The following ZDHHC11 variants were observed in gnomAD, a reference collection of about 807,000 sequenced individuals.
ZDHHC11 encodes the protein palmitoyltransferase ZDHHC11.
In ZDHHC11, 44 loss-of-function variants were observed where a neutral mutation model predicts 51.3. The ratio of observed to expected loss-of-function variants is 0.86; its 90% CI spans 0.67 to 1.10. The LOEUF (loss-of-function observed/expected upper bound fraction) is 1.10, where lower values mean the gene tolerates loss of function less well. Ranked by LOEUF, ZDHHC11 falls within the 50% of genes least tolerant of loss-of-function variation. The pLI is 0.00. For missense variants in ZDHHC11, 400 were observed against 537.7 expected, an observed-to-expected ratio of 0.74 and a Z score of 2.53; for synonymous variants, 163 against 222.0, an observed-to-expected ratio of 0.73 and a Z score of 2.36.
upstream of ZDHHC11, among the ~76,000 whole-genome samples, chr5:859,221 A>G (rs1019270165): frequency 6.6e-6 from 1 of 152,032 alleles, no homozygotes; most frequent in African/African-American, 2.4e-5. Flanking sequence ...GATGGGCCCC[A>G]ATGCCTGCTT....
At chr5:835,619 C>A (rs138205250) in intron 6 of ZDHHC11, among the ~76,000 whole-genome samples, 8,781 of 150,010 alleles carry the variant, frequency 0.059, 424 homozygotes, top group African/African-American at 0.2. Flanking sequence ...ACCACCTTGT[C>A]ATTTCTGCTA....
chr5:828,427 C>G (rs1222361326), intron 7 of ZDHHC11, among the ~76,000 whole-genome samples: 1 of 150,882 alleles, frequency 6.6e-6, no homozygotes, highest in Non-Finnish European at 1.5e-5. Flanking sequence ...CACCTCCCTC[C>G]TGGACGGGGC....
intron 9 of ZDHHC11, among the ~76,000 whole-genome samples, chr5:820,905 C>A (rs1374719540): frequency 6.6e-6 from 1 of 151,172 alleles, no homozygotes; most frequent in Non-Finnish European, 1.5e-5. Context: ...GGACACAGAC[C>A]CATGAGACAG....
At chr5:820,459 T>C (rs1741420499) in intron 9 of ZDHHC11, among the ~76,000 whole-genome samples, 1 of 151,548 alleles carries the variant, frequency 6.6e-6, no homozygotes, top group Non-Finnish European at 1.5e-5. Flanking sequence ...CCCTTTGCCC[T>C]CTGGCTGTGG....
At chr5:815,530 G>A (rs969347220) in intron 10 of ZDHHC11, among the ~76,000 whole-genome samples, 3 of 150,748 alleles carry the variant, frequency 2.0e-5, no homozygotes, top group African/African-American at 4.9e-5. Context: ...CCAGTTCTCC[G>A]ATGTCTTCAC....
chr5:856,085 A>G (rs1748197977), intron 1 of ZDHHC11, among the ~76,000 whole-genome samples: 1 of 152,108 alleles, frequency 6.6e-6, no homozygotes, highest in Non-Finnish European at 1.5e-5. Context: ...CCTTCCCCTC[A>G]GGCCCACGCT....
At chr5:816,573 T>G (rs1022391412) in intron 10 of ZDHHC11, 1 of 609,794 alleles carries the variant, frequency 1.6e-6, no homozygotes, top group Non-Finnish European at 3.2e-6. Flanking sequence ...GTGGAGAATT[T>G]TTGTCTAATT....
At position 833,283 on chromosome 5, in the gene ZDHHC11, C is replaced by T. The variant is rs1192938363; in HGVS notation, c.935+490G>A. On this transcript the variant is annotated intron_variant, in intron 7 of 12. Coordinates refer to ENST00000283441, the MANE Select transcript of ZDHHC11 (RefSeq NM_024786.3). The stretch of plus-strand genomic sequence containing the variant: ...GCACTGCACAGCACTAGCTCCAAGA[C>T]GCTTCTTGAAACCCTGTTTGTGAAG... Among the ~76,000 whole-genome samples, 19 of 152,054 alleles carry T rather than the reference C, an allele frequency of 1.2e-4. No individual in the cohort carries two copies. The South Asian group carries it at 1.5e-3, about 12-fold the overall frequency.
chr5:846,871 TCCACCATCCTCA>T (rs1219370210), intron 3 of ZDHHC11, among the ~76,000 whole-genome samples: 23 of 139,178 alleles, frequency 1.7e-4, no homozygotes, highest in African/African-American at 4.7e-4. Context: ...TTCTTGCACC[TCCACCATCCTCA>T]GTGGAAACAC....
At chr5:814,311 G>A (rs1202820697) in intron 11 of ZDHHC11, among the ~76,000 whole-genome samples, 7 of 151,168 alleles carry the variant, frequency 4.6e-5, no homozygotes, top group African/African-American at 7.3e-5. Context: ...CTCTTTATAA[G>A]GGTCTTCTTT....
chr5:848,704 G>T (rs766339656), intron 1 of ZDHHC11, 44 bp from the exon 2 acceptor site: 1 of 1,611,434 alleles, frequency 6.2e-7, no homozygotes, highest in Non-Finnish European at 8.5e-7. Flanking sequence ...TGGTCAGCCT[G>T]GCACGAGGCG....
Position 850,746 on chromosome 5 carries a change from C to T in ZDHHC11, c.-144G>A, listed in dbSNP as rs559035755. 1.4e-5 allele frequency: 14 copies of T among 1,006,728 alleles called. No homozygotes were observed. Among genetic ancestry groups the T allele is most frequent in the South Asian group, 1.1e-4 (7 of 61,958 alleles). The allele number at this position is 1,006,728 out of a possible 1,614,324, so 62.4% of individuals were successfully genotyped here. A position where few individuals can be genotyped will look rare whatever the true frequency, so the allele number is the denominator to read the frequency against. ...AATGGCCCAGCACTGCCTGGGGCCACGTTCCCCGCAGAGGGAGCAGGGGCT... is the reference window on the plus strand; with the variant it reads ...AATGGCCCAGCACTGCCTGGGGCCATGTTCCCCGCAGAGGGAGCAGGGGCT... On this transcript the variant is annotated 5_prime_UTR_variant, in exon 1 of 13. The change creates a new upstream start codon in the 5' untranslated region. Coordinates refer to ENST00000283441, the MANE Select transcript of ZDHHC11 (RefSeq NM_024786.3).
chr5:854,786 G>A (rs2150505380), upstream of ZDHHC11, among the ~76,000 whole-genome samples: 1 of 145,738 alleles, frequency 6.9e-6, no homozygotes, highest in African/African-American at 2.6e-5. Context: ...CCCCACGGAG[G>A]ACAGTGAGGA....
At chr5:849,110 G>A (rs943711983) in intron 1 of ZDHHC11, among the ~76,000 whole-genome samples, 11 of 151,454 alleles carry the variant, frequency 7.3e-5, no homozygotes, top group African/African-American at 2.4e-4. Flanking sequence ...TCCACCCGTC[G>A]GCCCTGCACA....
intron 9 of ZDHHC11, among the ~76,000 whole-genome samples, chr5:820,582 G>A (rs1286800352): frequency 1.3e-5 from 2 of 151,170 alleles, no homozygotes. Flanking sequence ...CACACCTGGG[G>A]AAGGGGGGCT....
intron 11 of ZDHHC11, among the ~76,000 whole-genome samples, chr5:807,383 C>T (rs571894199): frequency 2.6e-5 from 4 of 151,256 alleles, no homozygotes; most frequent in South Asian, 4.2e-4. Context: ...AGAGCATGAG[C>T]GGGGTGCAAG....
intron 11 of ZDHHC11, among the ~76,000 whole-genome samples, chr5:813,005 C>G (rs1485319002): frequency 7.0e-6 from 1 of 142,470 alleles, no homozygotes; most frequent in Non-Finnish European, 1.5e-5. Flanking sequence ...GTTATAAGTT[C>G]TGAGTATAAG....
At chr5:823,687 G>A (rs1401438965) in intron 8 of ZDHHC11, 18 of 187,510 alleles carry the variant, frequency 9.6e-5, no homozygotes, top group African/African-American at 3.4e-4. Context: ...CCACGGAGAC[G>A]CGGGCTTGGG....
At chr5:837,813 A>G (rs1196038677) in intron 5 of ZDHHC11, among the ~76,000 whole-genome samples, 1 of 151,944 alleles carries the variant, frequency 6.6e-6, no homozygotes, top group Non-Finnish European at 1.5e-5. Context: ...TGGGTCCCCT[A>G]TACCATGCAG....
Sources: gnomAD v4.1 joint callset for allele counts (sites outside exome capture counted in the v4.1 genomes callset) on GRCh38, gnomAD v4.1.1 for gene constraint, MANE v1.5 for transcripts, NCBI Gene and HGNC (gene_info 2026-07-23, HGNC 2026-07-21) for gene names.